LRRC53: variants seen among roughly 807,000 people sequenced by gnomAD.
LRRC53 encodes leucine-rich repeat-containing protein 53.
LRRC53 carries 25 observed loss-of-function variants against 13.6 expected under a neutral mutation model. That is an observed-to-expected ratio of 1.83 (90% CI 1.34 to 2.56). The LOEUF is 2.56. LRRC53 is among the 30% of genes most tolerant of loss of function. The pLI is 0.00. For synonymous variants in LRRC53, 204 were observed against 109.8 expected (o/e 1.86, Z -5.37); for missense variants, 527 against 275.8 (o/e 1.91, Z -6.45).
At chr1:74,489,057 G>A in intron 1 of LRRC53, 1 of 678,252 alleles carries the variant, frequency 1.5e-6, no homozygotes, top group Non-Finnish European at 2.3e-6. Flanking sequence ...TTCAATAAAA[G>A]TGTATTTTAA....
chr1:74,510,581 A>G (rs898407683), intron 1 of LRRC53, among the ~76,000 whole-genome samples: 4 of 152,228 alleles, frequency 2.6e-5, no homozygotes, highest in African/African-American at 9.6e-5. Context: ...ATTATTGCTC[A>G]TTAAATTAAA....
At chr1:74,482,603 C>T (rs1414477950) in intron 2 of LRRC53, among the ~76,000 whole-genome samples, 6 of 152,162 alleles carry the variant, frequency 3.9e-5, no homozygotes, top group South Asian at 4.1e-4. Flanking sequence ...TCCACTCTGT[C>T]GTAACTCAAG....
At chr1:74,485,759 A>G (rs1343154388) in intron 1 of LRRC53, among the ~76,000 whole-genome samples, 2 of 152,216 alleles carry the variant, frequency 1.3e-5, no homozygotes, top group Admixed American at 6.5e-5. Flanking sequence ...GCAAATAGCC[A>G]TGTTGTGAAC....
chr1:74,493,191 C>T (rs1046106320), intron 1 of LRRC53, among the ~76,000 whole-genome samples: 2 of 152,124 alleles, frequency 1.3e-5, no homozygotes, highest in Non-Finnish European at 2.9e-5. Flanking sequence ...CAAATGGGTG[C>T]TTCTAGGGGA....
chr1:74,533,021 C>T, the LRRC53 span, among the ~76,000 whole-genome samples: 2 of 151,834 alleles, frequency 1.3e-5, no homozygotes, highest in African/African-American at 2.4e-5. Context: ...ACTTCATGTC[C>T]AAAACACCAA....
At chr1:74,477,798 C>A (rs1336931462) in intron 3 of LRRC53, among the ~76,000 whole-genome samples, 1 of 152,096 alleles carries the variant, frequency 6.6e-6, no homozygotes, top group Non-Finnish European at 1.5e-5. Flanking sequence ...ATTAAGAAGA[C>A]GTTTGAATTT....
intron 2 of LRRC53, among the ~76,000 whole-genome samples, chr1:74,482,690 T>C (rs1453901678): frequency 6.6e-6 from 1 of 152,220 alleles, no homozygotes; most frequent in Admixed American, 6.5e-5. Context: ...GTAAATCACA[T>C]TCTCCTCAAA....
At chr1:74,491,408 C>T (rs111297364) in intron 1 of LRRC53, among the ~76,000 whole-genome samples, 336 of 152,226 alleles carry the variant, frequency 2.2e-3, no homozygotes, top group Middle Eastern at 3.4e-3. Context: ...TTATTAGAGA[C>T]GGGGTTTCAC....
chr1:74,511,278 T>C (rs568445931), intron 1 of LRRC53, among the ~76,000 whole-genome samples: 1 of 151,838 alleles, frequency 6.6e-6, no homozygotes, highest in South Asian at 2.1e-4. Context: ...CCACAACCTC[T>C]GCCTCCCGGG....
chr1:74,478,505 C>G (rs191998288), intron 3 of LRRC53, among the ~76,000 whole-genome samples: 4 of 152,142 alleles, frequency 2.6e-5, no homozygotes, highest in Non-Finnish European at 2.9e-5. Flanking sequence ...AAAAATTGCT[C>G]TATTATAATA....
intron 1 of LRRC53, among the ~76,000 whole-genome samples, chr1:74,498,988 C>T (rs1195052542): frequency 2.6e-5 from 4 of 152,092 alleles, no homozygotes; most frequent in Non-Finnish European, 4.4e-5. Context: ...CTGATAAATA[C>T]ACCAATTATT....
intron 1 of LRRC53, among the ~76,000 whole-genome samples, chr1:74,491,207 T>C (rs193282684): frequency 5.9e-4 from 90 of 152,050 alleles, no homozygotes; most frequent in African/African-American, 1.8e-3. Context: ...TTAGGGTGAG[T>C]CCAACAGGTT....
rs1462863250 is a variant in LRRC53 at position 74,483,305 on chromosome 1, G to T, written c.45C>A (p.Cys15Ter). 9.8e-6 allele frequency: 7 copies of T among 717,394 alleles called. No homozygotes were observed. Among genetic ancestry groups the T allele is most frequent in the South Asian group, 3.0e-5 (2 of 67,592 alleles). 44.4% of individuals were successfully genotyped at this position (717,394 alleles called of 1,614,324 possible). The part of the protein sequence containing the change: ...VAACPESCVV[C>*]TKDVTLCHQL... ...GGTGACAGAGGGTTACATCTTTGGT[G>T]CACACCACACATGACTCAGGGCAAG... Residue 15 changes from cysteine (C) to a stop codon, truncating the protein, a stop_gained, in exon 2 of 5, where the codon TGC becomes TGA. Transcript: ENST00000294635. LOFTEE classifies it high-confidence loss of function.
intron 1 of LRRC53, among the ~76,000 whole-genome samples, chr1:74,505,787 C>T (rs938762244): frequency 6.6e-6 from 1 of 152,026 alleles, no homozygotes; most frequent in African/African-American, 2.4e-5. Flanking sequence ...AAATACTGGA[C>T]CCAGGAAGAA....
At chr1:74,481,493 G>A (rs1034061539) in intron 2 of LRRC53, among the ~76,000 whole-genome samples, 14 of 152,214 alleles carry the variant, frequency 9.2e-5, no homozygotes, top group African/African-American at 3.4e-4. Context: ...ATTGATTTCT[G>A]CTTTCTAGCC....
the LRRC53 span, among the ~76,000 whole-genome samples, chr1:74,535,722 T>G: frequency 2.0e-5 from 3 of 152,182 alleles, no homozygotes; most frequent in Non-Finnish European, 2.9e-5. Context: ...TGTTGATGTC[T>G]AAGGTTCAAC....
chr1:74,535,882 T>C, the LRRC53 span, among the ~76,000 whole-genome samples: 1 of 152,134 alleles, frequency 6.6e-6, no homozygotes, highest in Non-Finnish European at 1.5e-5. Context: ...TCAGGAGTAA[T>C]TCTGTCCAAC....
At chr1:74,506,107 A>G (rs1028752108) in intron 1 of LRRC53, among the ~76,000 whole-genome samples, 7 of 152,226 alleles carry the variant, frequency 4.6e-5, no homozygotes, top group African/African-American at 1.4e-4. Flanking sequence ...TATGATGTAG[A>G]TAATATTGCC....
In LRRC53 at chr1:74,480,374, A is replaced by G; in HGVS notation, c.683T>C (p.Phe228Ser). ...CTCDLHPLAR[F>S]LRNYIKSSAH... ...AGAAGACTTAATGTAGTTTCTTAAAAACCGAGCAAGGGGATGGAGATCACA... is the reference window on the plus strand; with the variant it reads ...AGAAGACTTAATGTAGTTTCTTAAAGACCGAGCAAGGGGATGGAGATCACA... Residue 228 changes from phenylalanine (F) to serine (S), a missense_variant, in exon 3 of 5, where the codon TTT becomes TCT. Physicochemically the swap from Phe to Ser is radical, Grantham distance 155. Coordinates refer to ENST00000294635, the MANE Select transcript of LRRC53 (RefSeq NM_001382280.1). The G allele has an allele frequency of 1.4e-6, 1 of 717,620 alleles. No individual in the cohort carries two copies. The highest frequency in any genetic ancestry group is 2.6e-6 in the Non-Finnish European group (1 of 385,102). 44.5% of individuals were successfully genotyped at this position (717,620 alleles called of 1,614,324 possible).
Sources: allele counts gnomAD v4.1 joint callset (sites outside exome capture counted in the v4.1 genomes callset), GRCh38; gene constraint gnomAD v4.1.1; transcripts MANE v1.5; gene names NCBI Gene and HGNC (gene_info 2026-07-23, HGNC 2026-07-21).